Variants in PGM5 observed in about 807,000 individuals in gnomAD.
PGM5 encodes phosphoglucomutase 5.
In PGM5, 23 loss-of-function variants were observed where a neutral mutation model predicts 59.2. That is an observed-to-expected ratio of 0.39 (90% confidence interval 0.28 to 0.55). PGM5 has a LOEUF of 0.55. Among genes scored for constraint, PGM5 ranks in the 20% least tolerant of loss-of-function variants. The probability of loss-of-function intolerance (pLI) is 0.66; values close to 1 mark genes in which losing one functional copy is unlikely to be tolerated. For synonymous variants in PGM5, 214 were observed against 286.0 expected (o/e 0.75, Z 2.54); for missense variants, 574 against 748.3 (o/e 0.77, Z 2.72).
At chr9:68,412,371 T>C (rs1189691973) in intron 6 of PGM5, among the ~76,000 whole-genome samples, 1 of 152,232 alleles carries the variant, frequency 6.6e-6, no homozygotes, top group Non-Finnish European at 1.5e-5. Context: ...TGCTTCATGG[T>C]ATCTGAGAGT....
chr9:68,415,898 A>G (rs1199908534), intron 6 of PGM5, among the ~76,000 whole-genome samples: 6 of 151,010 alleles, frequency 4.0e-5, no homozygotes, highest in African/African-American at 1.5e-4. Context: ...TTGAATTGAA[A>G]TTAATTGAAT....
chr9:68,518,879 A>T (rs1824859300), intron 10 of PGM5, among the ~76,000 whole-genome samples: 1 of 152,230 alleles, frequency 6.6e-6, no homozygotes, highest in Non-Finnish European at 1.5e-5. Flanking sequence ...CAACACTGGA[A>T]AAAATGATAG....
chr9:68,443,649 A>G (rs1823565236), intron 6 of PGM5, among the ~76,000 whole-genome samples: 1 of 152,238 alleles, frequency 6.6e-6, no homozygotes, highest in Non-Finnish European at 1.5e-5. Context: ...ATTTTGGAGA[A>G]TCACAGTAAA....
intron 6 of PGM5, among the ~76,000 whole-genome samples, chr9:68,393,410 T>G (rs1294098159): frequency 6.6e-6 from 1 of 152,038 alleles, no homozygotes; most frequent in Non-Finnish European, 1.5e-5. Flanking sequence ...ACATTGCTTG[T>G]AACCTGCTTT....
chr9:68,460,695 A>T (rs1823845744), intron 6 of PGM5, among the ~76,000 whole-genome samples: 1 of 152,228 alleles, frequency 6.6e-6, no homozygotes, highest in Non-Finnish European at 1.5e-5. Context: ...CTGCTATTTA[A>T]CAGCCCTTTT....
intron 4 of PGM5, among the ~76,000 whole-genome samples, chr9:68,390,102 T>C (rs1822327278): frequency 6.6e-6 from 1 of 152,240 alleles, no homozygotes; most frequent in Non-Finnish European, 1.5e-5. Flanking sequence ...TTCTGGCATA[T>C]TTAAGAATGA....
chr9:68,404,317 C>T (rs1478267827), intron 6 of PGM5, among the ~76,000 whole-genome samples: 1 of 152,040 alleles, frequency 6.6e-6, no homozygotes, highest in Admixed American at 6.6e-5. Flanking sequence ...TTACTAGAGA[C>T]AGGGTTTTGC....
At chr9:68,410,524 A>G (rs1431707808) in intron 6 of PGM5, among the ~76,000 whole-genome samples, 24 of 152,098 alleles carry the variant, frequency 1.6e-4, no homozygotes, top group Non-Finnish European at 3.1e-4. Flanking sequence ...AACTATCATG[A>G]TGATATTTTT....
chr9:68,496,387 C>T (rs1163941528), intron 9 of PGM5, among the ~76,000 whole-genome samples: 2 of 152,204 alleles, frequency 1.3e-5, no homozygotes, highest in Admixed American at 6.5e-5. Flanking sequence ...CAGCACAGAA[C>T]TAGGCTGGCT....
At chr9:68,396,383 G>A (rs1252062865) in intron 6 of PGM5, 1 of 152,130 alleles carries the variant, frequency 6.6e-6, no homozygotes, top group Non-Finnish European at 1.5e-5. Context: ...TGAGAATATT[G>A]TCCCCTGTGG....
At chr9:68,524,496 A>G (rs1824944058) in intron 10 of PGM5, among the ~76,000 whole-genome samples, 1 of 152,222 alleles carries the variant, frequency 6.6e-6, no homozygotes, top group Non-Finnish European at 1.5e-5. Context: ...GAATTAGAAA[A>G]AACAATGCTA....
intron 2 of PGM5, among the ~76,000 whole-genome samples, chr9:68,379,665 G>A (rs1822016104): frequency 6.6e-6 from 1 of 151,992 alleles, no homozygotes; most frequent in African/African-American, 2.4e-5. Context: ...ATGGCTGAGT[G>A]GATCAACAAC....
intron 8 of PGM5, 54 bp downstream of exon 8, chr9:68,479,607 C>T: frequency 6.4e-7 from 1 of 1,571,954 alleles, no homozygotes; most frequent in Non-Finnish European, 8.7e-7. Flanking sequence ...ACTCCTAGAA[C>T]AGGTTTCTAA....
intron 7 of PGM5, among the ~76,000 whole-genome samples, chr9:68,473,370 C>G (rs1456219115): frequency 6.6e-6 from 1 of 152,166 alleles, no homozygotes; most frequent in East Asian, 1.9e-4. Flanking sequence ...ATGCTTTACC[C>G]GCTTTCTTGC....
In PGM5 at chr9:68,437,883, CT is replaced by C. The variant is rs1213411632; in HGVS notation, c.1044-27209del. On this transcript the variant is annotated intron_variant, in intron 6 of 10. Transcript: ENST00000396396. The surrounding 1 kb of genome is among the most constrained non-coding windows in gnomAD (Gnocchi z 4.1). Reference sequence around the variant, plus strand: ...AGGCTGTTTCTAACAGCCACACAGGCTGTCTAGTTCATCATTGTCCCCATAA... The same window carrying C: ...AGGCTGTTTCTAACAGCCACACAGGCGTCTAGTTCATCATTGTCCCCATAA... Among the ~76,000 whole-genome samples, 2 of 152,136 alleles carry C rather than the reference CT, an allele frequency of 1.3e-5. No homozygotes were observed. The highest frequency in any genetic ancestry group is 4.8e-5 in the African/African-American group (2 of 41,422).
At chr9:68,493,516 G>A (rs11142649) in intron 9 of PGM5, among the ~76,000 whole-genome samples, 17,574 of 152,212 alleles carry the variant, frequency 0.12, 1,337 homozygotes, top group Non-Finnish European at 0.16. Context: ...TACTAAATAC[G>A]TTACCTTGAG....
chr9:68,451,640 A>G (rs1174767220), intron 6 of PGM5, among the ~76,000 whole-genome samples: 1 of 152,226 alleles, frequency 6.6e-6, no homozygotes, highest in Non-Finnish European at 1.5e-5. Context: ...TATGCCATTC[A>G]AAGTTGGGTC....
chr9:68,466,111 T>A, intron 7 of PGM5: 1 of 1,287,440 alleles, frequency 7.8e-7, no homozygotes, highest in Non-Finnish European at 1.0e-6. Flanking sequence ...AATGAGCTCT[T>A]ACATTCATTT....
chr9:68,497,351 GATA>G (rs1554688235), intron 9 of PGM5: 1 of 152,162 alleles, frequency 6.6e-6, no homozygotes. Flanking sequence ...ATAAATCCTG[GATA>G]ATATCATCCT....
Sources: gnomAD v4.1 joint callset for allele counts (sites outside exome capture counted in the v4.1 genomes callset) on GRCh38, gnomAD v4.1.1 for gene constraint, Gnocchi (gnomAD v3.1) non-coding constraint, MANE v1.5 for transcripts, NCBI Gene and HGNC (gene_info 2026-07-23, HGNC 2026-07-21) for gene names.